PDZRN4: variants seen among roughly 807,000 people sequenced by gnomAD.
PDZRN4 encodes PDZ domain-containing RING finger protein 4.
PDZRN4 carries 70 observed loss-of-function variants against 99.0 expected under a neutral mutation model. That is an observed-to-expected ratio of 0.71 (90% confidence interval 0.58 to 0.86). PDZRN4 has a LOEUF of 0.86. Among genes scored for constraint, PDZRN4 ranks in the 40% least tolerant of loss-of-function variants. The pLI is 0.00. For missense variants in PDZRN4, 1,474 were observed against 1,331.2 expected, an observed-to-expected ratio of 1.11 and a Z score of -1.67; for synonymous variants, 551 against 501.6, an observed-to-expected ratio of 1.10 and a Z score of -1.32.
At chr12:41,561,284 T>C (rs1939264568) in intron 7 of PDZRN4, among the ~76,000 whole-genome samples, 2 of 152,258 alleles carry the variant, frequency 1.3e-5, no homozygotes, top group African/African-American at 4.8e-5. Flanking sequence ...CGAAAGAGTC[T>C]TGTCTTTACT....
Position 41,475,734 on chromosome 12 carries a change from T to A in PDZRN4, c.844-30722T>A, listed in dbSNP as rs575094455. Among the ~76,000 whole-genome samples the A allele has an allele frequency of 1.3e-3, 197 of 152,334 alleles. 8 individuals carry two copies. In the South Asian group the frequency reaches 0.04, roughly 31 times the overall value. On this transcript the variant is annotated intron_variant, in intron 3 of 9. Transcript: ENST00000402685. ...ATACATAATTTCATGAAAACCATAA[T>A]TCCTTTTGTATGCATGTAGTATTTG...
intron 3 of PDZRN4, among the ~76,000 whole-genome samples, chr12:41,465,964 G>C (rs888041532): frequency 8.6e-5 from 13 of 152,020 alleles, no homozygotes; most frequent in Non-Finnish European, 1.6e-4. Context: ...TCCTTGTCCA[G>C]TACCACTGTC....
At chr12:41,549,474 GT>G (rs940958787) in intron 5 of PDZRN4, among the ~76,000 whole-genome samples, 2 of 152,156 alleles carry the variant, frequency 1.3e-5, no homozygotes, top group African/African-American at 4.8e-5. Context: ...TAAAATGTAT[GT>G]TTCTGTGTTT....
chr12:41,504,099 T>A (rs375537914), intron 3 of PDZRN4, among the ~76,000 whole-genome samples: 1 of 151,860 alleles, frequency 6.6e-6, no homozygotes, highest in South Asian at 2.1e-4. Flanking sequence ...TGAAACCCCG[T>A]CTCTACTAAA....
At chr12:41,465,268 G>A (rs1180573904) in intron 3 of PDZRN4, among the ~76,000 whole-genome samples, 1 of 152,216 alleles carries the variant, frequency 6.6e-6, no homozygotes, top group Non-Finnish European at 1.5e-5. Context: ...GTTGCAGGGA[G>A]AGGAGGAACT....
chr12:41,481,292 C>T (rs1937669770), intron 3 of PDZRN4, among the ~76,000 whole-genome samples: 2 of 152,018 alleles, frequency 1.3e-5, no homozygotes, highest in South Asian at 4.2e-4. Flanking sequence ...AGACACTCAC[C>T]TCATTTGCTC....
rs551376358 is a variant in PDZRN4 at position 41,499,739 on chromosome 12, A to G, written c.844-6717A>G. ...GATCCATAACCTCTTCATACGAAAA[A>G]TTAAAAATGAGTCCTGCTTGCATTT... On this transcript the variant is annotated intron_variant, in intron 3 of 9. Transcript: ENST00000402685. 1.7e-3 allele frequency among the ~76,000 whole-genome samples: 261 copies of G among 152,202 alleles called. 2 individuals are homozygous for G. Among genetic ancestry groups the G allele is most frequent in the Middle Eastern group, 3.4e-3 (1 of 294 alleles).
intron 6 of PDZRN4, 23 bp from the exon 7 acceptor site, chr12:41,555,674 AG>A: frequency 6.3e-7 from 1 of 1,589,956 alleles, no homozygotes; most frequent in Non-Finnish European, 8.6e-7. Context: ...ACCCAGTTGA[AG>A]ATGTATGTCC....
intron 3 of PDZRN4, among the ~76,000 whole-genome samples, chr12:41,455,907 G>T (rs79767686): frequency 0.012 from 1,765 of 152,264 alleles, 30 homozygotes; most frequent in African/African-American, 0.041. Flanking sequence ...TGTCTACATT[G>T]TCTACTCATG....
At chr12:41,506,950 G>T (rs184283730) in intron 4 of PDZRN4, among the ~76,000 whole-genome samples, 1 of 152,062 alleles carries the variant, frequency 6.6e-6, no homozygotes, top group Non-Finnish European at 1.5e-5. Flanking sequence ...GCTAGCTGCT[G>T]TGAAAAATTC....
rs1951296749 is a variant in PDZRN4 at position 41,268,954 on chromosome 12, T to C, written c.843+74766T>C. 1.3e-5 allele frequency among the ~76,000 whole-genome samples: 2 copies of C among 152,206 alleles called. 1 individual carries two copies. The highest frequency in any genetic ancestry group is 1.3e-4 in the Admixed American group (2 of 15,268). ...TAAATTATCAACTGGATAATACAAT[T>C]CTGTATAGTAACCACCAATCATAAA... On this transcript the variant is annotated intron_variant, in intron 3 of 9. Coordinates refer to ENST00000402685, the MANE Select transcript of PDZRN4 (RefSeq NM_001164595.2).
intron 3 of PDZRN4, among the ~76,000 whole-genome samples, chr12:41,366,612 G>A (rs1161569925): frequency 2.0e-5 from 3 of 151,952 alleles, no homozygotes; most frequent in Non-Finnish European, 4.4e-5. Flanking sequence ...TTCCTTTTGG[G>A]GTAACCTGTT....
chr12:41,244,206 A>C (rs1951118515), intron 3 of PDZRN4, among the ~76,000 whole-genome samples: 1 of 151,836 alleles, frequency 6.6e-6, no homozygotes. Flanking sequence ...CTTAGGCCAA[A>C]CCCTCAGAGT....
At chr12:41,432,602 T>C (rs1047662405) in intron 3 of PDZRN4, among the ~76,000 whole-genome samples, 1 of 152,220 alleles carries the variant, frequency 6.6e-6, no homozygotes, top group Non-Finnish European at 1.5e-5. Flanking sequence ...TTAATGTTGC[T>C]CTTACATGTC....
At chr12:41,559,474 C>G (rs540423807) in intron 7 of PDZRN4, among the ~76,000 whole-genome samples, 13 of 152,242 alleles carry the variant, frequency 8.5e-5, no homozygotes, top group African/African-American at 2.6e-4. Flanking sequence ...TAAAAGACCA[C>G]ATATATGACC....
chr12:41,570,605 T>C (rs1939455811), intron 9 of PDZRN4, among the ~76,000 whole-genome samples: 1 of 152,162 alleles, frequency 6.6e-6, no homozygotes, highest in South Asian at 2.1e-4. Context: ...ATTACTAGTC[T>C]TCTTGTATTT....
At chr12:41,484,034 C>T (rs1937727669) in intron 3 of PDZRN4, among the ~76,000 whole-genome samples, 1 of 152,004 alleles carries the variant, frequency 6.6e-6, no homozygotes, top group Admixed American at 6.6e-5. Context: ...GAAAATATCT[C>T]GAGTTTGTGT....
At chr12:41,507,771 A>G (rs1938233056) in intron 4 of PDZRN4, among the ~76,000 whole-genome samples, 1 of 152,130 alleles carries the variant, frequency 6.6e-6, no homozygotes, top group Admixed American at 6.6e-5. Flanking sequence ...AAGGCAGGGG[A>G]TCTGTTTGTC....
intron 3 of PDZRN4, among the ~76,000 whole-genome samples, chr12:41,203,392 G>A (rs1950829506): frequency 6.6e-6 from 1 of 151,988 alleles, no homozygotes; most frequent in Admixed American, 6.6e-5. Flanking sequence ...GGGATTAGGA[G>A]GTGAGAGAGG....
Sources: gnomAD v4.1 joint callset for allele counts (sites outside exome capture counted in the v4.1 genomes callset) on GRCh38, gnomAD v4.1.1 for gene constraint, MANE v1.5 for transcripts, NCBI Gene and HGNC (gene_info 2026-07-23, HGNC 2026-07-21) for gene names.